CACNA2D3: variants seen among roughly 807,000 people sequenced by gnomAD.
CACNA2D3 encodes calcium voltage-gated channel auxiliary subunit alpha2delta 3.
A neutral mutation model predicts 160.6 loss-of-function variants in CACNA2D3; 60 were observed. The ratio of observed to expected loss-of-function variants is 0.37; its 90% CI spans 0.30 to 0.46. The LOEUF is 0.46. CACNA2D3 is among the 20% of genes least tolerant of loss of function. CACNA2D3 has a pLI of 1.00. For missense variants in CACNA2D3, 1,205 were observed against 1,365.0 expected, an observed-to-expected ratio of 0.88 and a Z score of 1.85; for synonymous variants, 558 against 492.9, an observed-to-expected ratio of 1.13 and a Z score of -1.75.
At chr3:54,440,646 C>T (rs191537071) in intron 4 of CACNA2D3, among the ~76,000 whole-genome samples, 62 of 152,266 alleles carry the variant, frequency 4.1e-4, no homozygotes, top group African/African-American at 1.4e-3. Flanking sequence ...CTCCCCTCCG[C>T]CCACAACAGG....
At chr3:54,944,850 C>G (rs1268950970) in intron 27 of CACNA2D3, among the ~76,000 whole-genome samples, 10 of 151,636 alleles carry the variant, frequency 6.6e-5, no homozygotes, top group Non-Finnish European at 1.5e-4. Flanking sequence ...TGTTTGCTGT[C>G]TCTGCTGTAA....
At chr3:54,178,717 GT>G (rs1296504341) in intron 2 of CACNA2D3, among the ~76,000 whole-genome samples, 1 of 152,174 alleles carries the variant, frequency 6.6e-6, no homozygotes, top group Non-Finnish European at 1.5e-5. Context: ...GAAATAATCT[GT>G]CAAAATAAAA....
chr3:54,296,922 T>C (rs1184438539), intron 2 of CACNA2D3, among the ~76,000 whole-genome samples: 1 of 152,186 alleles, frequency 6.6e-6, no homozygotes, highest in African/African-American at 2.4e-5. Flanking sequence ...GGCTTGTGTC[T>C]GGGATGAACT....
At chr3:54,721,762 C>CA (rs34393649) in intron 11 of CACNA2D3, among the ~76,000 whole-genome samples, 25,336 of 106,074 alleles carry the variant, frequency 0.24, 2,813 homozygotes, top group African/African-American at 0.3. Context: ...AACTCCATCT[C>CA]AAAAAAAAAA....
intron 2 of CACNA2D3, among the ~76,000 whole-genome samples, chr3:54,156,117 T>C (rs1177252742): frequency 1.3e-5 from 2 of 152,172 alleles, no homozygotes; most frequent in East Asian, 3.8e-4. Flanking sequence ...ATTGCCCAGG[T>C]GTTCAGTCAC....
rs549203038 is a variant in CACNA2D3, at chr3:54,286,839, T to C, written c.205-33603T>C. ...ATCCAGCCAAACTAAGCTTCGTAAG[T>C]GAAGGAGAAATAAAATACTTTACAG... On this transcript the variant is annotated intron_variant, in intron 2 of 37. Coordinates refer to ENST00000474759, the MANE Select transcript of CACNA2D3 (RefSeq NM_018398.3). Among the ~76,000 whole-genome samples, 548 of 151,820 alleles carry C rather than the reference T, an allele frequency of 3.6e-3. 6 individuals are homozygous for C. Among genetic ancestry groups the C allele is most frequent in the African/African-American group, 0.012 (509 of 41,372 alleles).
At chr3:55,041,265 T>C (rs528651015) in intron 35 of CACNA2D3, among the ~76,000 whole-genome samples, 1 of 152,300 alleles carries the variant, frequency 6.6e-6, no homozygotes, top group African/African-American at 2.4e-5. Flanking sequence ...ATTTAACATT[T>C]TGGGATCGAT....
At chr3:54,134,578 C>T (rs1699781936) in intron 2 of CACNA2D3, among the ~76,000 whole-genome samples, 1 of 152,194 alleles carries the variant, frequency 6.6e-6, no homozygotes, top group South Asian at 2.1e-4. Flanking sequence ...TCTCCAACGC[C>T]AGGGTTTTAT....
chr3:54,959,448 G>C (rs12491161), intron 27 of CACNA2D3, among the ~76,000 whole-genome samples: 54 of 152,088 alleles, frequency 3.6e-4, no homozygotes, highest in Admixed American at 1.5e-3. Context: ...GGAGATTTTA[G>C]TGCTATTTTA....
Position 55,009,375 on chromosome 3 carries a change from ACG to A in CACNA2D3, c.2820-12_2820-11del. ...TGACGAAGTAACATTGGGCTTTTCC[ACG>A]ATCTGTTTAGGTTCCTGGTGGAATT... On this transcript the variant is annotated splice_polypyrimidine_tract_variant and intron_variant, in intron 33 of 37. Transcript: ENST00000474759. 1.2e-6 allele frequency: 2 copies of A among 1,613,402 alleles called. No homozygotes were observed. Among genetic ancestry groups the A allele is most frequent in the Non-Finnish European group, 1.7e-6 (2 of 1,179,352 alleles).
At chr3:54,282,831 AC>A (rs1427527532) in intron 2 of CACNA2D3, among the ~76,000 whole-genome samples, 1 of 152,062 alleles carries the variant, frequency 6.6e-6, no homozygotes, top group Non-Finnish European at 1.5e-5. Flanking sequence ...AGAAGAACAT[AC>A]ACTTTTAGTT....
At position 55,014,509 on chromosome 3, in the gene CACNA2D3, C is replaced by A. The variant is rs191790891; in HGVS notation, c.2876-3697C>A. 8.5e-5 allele frequency among the ~76,000 whole-genome samples: 13 copies of A among 152,234 alleles called. No individual in the cohort carries two copies. The East Asian group carries it at 2.5e-3, about 29-fold the overall frequency. ...CTTTGGGAAGCCAAGGTGGGCGGAT[C>A]ACTGAGGCCAGGAGTTCGAGACTAG... On this transcript the variant is annotated intron_variant, in intron 34 of 37. Transcript: ENST00000474759.
At chr3:54,509,067 A>G (rs532287962) in intron 5 of CACNA2D3, among the ~76,000 whole-genome samples, 1 of 152,334 alleles carries the variant, frequency 6.6e-6, no homozygotes, top group Admixed American at 6.5e-5. Flanking sequence ...GTTGAGCTTG[A>G]TAAAACACAA....
At chr3:54,191,602 T>C (rs139284546) in intron 2 of CACNA2D3, among the ~76,000 whole-genome samples, 39 of 152,220 alleles carry the variant, frequency 2.6e-4, no homozygotes, top group African/African-American at 8.7e-4. Context: ...ATACAGTCTC[T>C]TCTCATGCTT....
chr3:54,148,403 A>C (rs1700077243), intron 2 of CACNA2D3, among the ~76,000 whole-genome samples: 1 of 152,220 alleles, frequency 6.6e-6, no homozygotes, highest in Non-Finnish European at 1.5e-5. Flanking sequence ...GACCTCAAAA[A>C]GGTGACTGTG....
intron 25 of CACNA2D3, 134 bp from the exon 26 acceptor site, chr3:54,896,615 T>A: frequency 9.9e-7 from 1 of 1,006,338 alleles, no homozygotes; most frequent in Non-Finnish European, 1.5e-6. Flanking sequence ...TGAGGCCCCC[T>A]CTATACTGAG....
chr3:55,037,054 G>C lies in CACNA2D3; in HGVS notation c.2987+18737G>C, dbSNP rs571541353. Among the ~76,000 whole-genome samples, 4 of 152,054 alleles carry C rather than the reference G, an allele frequency of 2.6e-5. No individual in the cohort carries two copies. In the Middle Eastern group the frequency reaches 0.014, roughly 517 times the overall value. On this transcript the variant is annotated intron_variant, in intron 35 of 37. Coordinates refer to ENST00000474759, the MANE Select transcript of CACNA2D3 (RefSeq NM_018398.3). ...GGCCAGGCTGGGAAAACCTCTGCAG[G>C]ATCTCCTCGTGTATAACACAATAGG...
chr3:54,736,076 T>TACATATATGTATGTATATATATACATAC (rs368829174), intron 11 of CACNA2D3, among the ~76,000 whole-genome samples: 1 of 38,212 alleles, frequency 2.6e-5, no homozygotes. Flanking sequence ...TATATATACA[T>TACATATATGTATGTATATATATACATAC]ATATATGTAT....
At chr3:54,813,385 G>T (rs1011416707) in intron 13 of CACNA2D3, among the ~76,000 whole-genome samples, 7 of 152,178 alleles carry the variant, frequency 4.6e-5, no homozygotes, top group Admixed American at 3.3e-4. Flanking sequence ...ATGATGATGA[G>T]AAGTGCCCAG....
Sources: allele counts gnomAD v4.1 joint callset (sites outside exome capture counted in the v4.1 genomes callset), GRCh38; gene constraint gnomAD v4.1.1; transcripts MANE v1.5; gene names NCBI Gene and HGNC (gene_info 2026-07-23, HGNC 2026-07-21).